FBXL13: variants seen among roughly 807,000 people sequenced by gnomAD.
FBXL13 encodes the protein F-box and leucine-rich repeat protein 13.
FBXL13 carries 67 observed loss-of-function variants against 83.6 expected under a neutral mutation model. The observed-to-expected ratio is 0.80, with a 90% confidence interval of 0.66 to 0.98. The LOEUF (loss-of-function observed/expected upper bound fraction) is 0.98. Ranked by LOEUF, FBXL13 falls within the 50% of genes least tolerant of loss-of-function variation. FBXL13 has a pLI of 0.00. For missense variants in FBXL13, 822 were observed against 866.5 expected, an observed-to-expected ratio of 0.95 and a Z score of 0.64; for synonymous variants, 272 against 299.5, an observed-to-expected ratio of 0.91 and a Z score of 0.95.
At chr7:103,061,665 C>T (rs948749533) in intron 1 of FBXL13, among the ~76,000 whole-genome samples, 1 of 151,912 alleles carries the variant, frequency 6.6e-6, no homozygotes, top group African/African-American at 2.4e-5. Context: ...CCTGGCCCAG[C>T]ACGGTGGCTC....
intron 6 of FBXL13, among the ~76,000 whole-genome samples, chr7:103,004,969 T>C (rs770582510): frequency 7.9e-5 from 12 of 152,230 alleles, no homozygotes; most frequent in Non-Finnish European, 1.6e-4. Flanking sequence ...ATATTTTACA[T>C]ATGCCTGTAA....
intron 6 of FBXL13, 25 bp from the exon 8 acceptor site, chr7:102,968,142 C>G: frequency 6.5e-7 from 1 of 1,530,588 alleles, no homozygotes; most frequent in Non-Finnish European, 9.0e-7. Flanking sequence ...AAATACACAA[C>G]TTTGAAAAAT....
intron 16 of FBXL13, among the ~76,000 whole-genome samples, chr7:102,872,560 T>C (rs1374810751): frequency 1.3e-5 from 2 of 152,202 alleles, no homozygotes; most frequent in East Asian, 3.8e-4. Context: ...ACAACAAATA[T>C]GGCGGTGACT....
intron 11 of FBXL13, among the ~76,000 whole-genome samples, chr7:102,902,642 T>C (rs1224714263): frequency 6.6e-6 from 1 of 152,182 alleles, no homozygotes; most frequent in Non-Finnish European, 1.5e-5. Flanking sequence ...TTCTTCTCCA[T>C]ATGGATATCC....
intron 11 of FBXL13, among the ~76,000 whole-genome samples, chr7:102,905,360 A>G (rs1337977449): frequency 6.6e-6 from 1 of 152,202 alleles, no homozygotes; most frequent in African/African-American, 2.4e-5. Flanking sequence ...ATCATTACAT[A>G]GTGACCTTCT....
chr7:102,818,694 G>T (rs937820623), intron 19 of FBXL13, among the ~76,000 whole-genome samples: 4 of 152,170 alleles, frequency 2.6e-5, no homozygotes, highest in African/African-American at 7.2e-5. Context: ...GGCTCTGAAG[G>T]CCACTAAGAC....
chr7:102,811,329 C>T (rs914969756), downstream of FBXL13, among the ~76,000 whole-genome samples: 3 of 152,150 alleles, frequency 2.0e-5, no homozygotes, highest in South Asian at 2.1e-4. Context: ...ATATGAAATA[C>T]GTAAGGGCTA....
chr7:102,910,077 T>C (rs1362677886), intron 11 of FBXL13, among the ~76,000 whole-genome samples: 1 of 152,168 alleles, frequency 6.6e-6, no homozygotes, highest in African/African-American at 2.4e-5. Context: ...CTGCTGGGAC[T>C]GGCAATTCCC....
chr7:103,055,190 T>C lies in FBXL13; in HGVS notation c.-1+454A>G. On this transcript the variant is annotated intron_variant, in intron 2 of 19. Transcript: ENST00000313221. ...TAATGCACATATCCCTTTAATAACATCATAAAATACAGTCAAAATTAATTT... is the reference window on the plus strand; with the variant it reads ...TAATGCACATATCCCTTTAATAACACCATAAAATACAGTCAAAATTAATTT... 2 of 1,248,844 alleles carry C rather than the reference T, an allele frequency of 1.6e-6. No homozygotes were observed. Among genetic ancestry groups the C allele is most frequent in the South Asian group, 1.3e-5 (1 of 77,542 alleles). 77.4% of individuals were successfully genotyped at this position (1,248,844 alleles called of 1,614,324 possible).
chr7:102,834,884 G>A (rs1584515040), intron 17 of FBXL13, among the ~76,000 whole-genome samples: 1 of 108,826 alleles, frequency 9.2e-6, no homozygotes, highest in Non-Finnish European at 1.8e-5. Context: ...CACAATGTGT[G>A]TGTGTGTGTG....
chr7:103,036,780 G>A (rs1795115303), intron 2 of FBXL13, among the ~76,000 whole-genome samples: 1 of 152,154 alleles, frequency 6.6e-6, no homozygotes, highest in African/African-American at 2.4e-5. Flanking sequence ...CCAAAGTGTT[G>A]GGGTTACAGG....
intron 6 of FBXL13, among the ~76,000 whole-genome samples, chr7:103,022,385 C>T (rs563132911): frequency 7.1e-4 from 108 of 151,860 alleles, no homozygotes; most frequent in Non-Finnish European, 1.2e-3. Flanking sequence ...ATGTAAATGA[C>T]GAGTTAATGC....
chr7:102,971,525 C>T (rs887637811), intron 6 of FBXL13, among the ~76,000 whole-genome samples: 6 of 138,420 alleles, frequency 4.3e-5, no homozygotes, highest in South Asian at 4.7e-4. Context: ...TGAACCCGGG[C>T]GGAGGTGGCG....
chr7:102,934,717 G>C lies in FBXL13; in HGVS notation c.725-2784C>G, dbSNP rs557836390. The C allele has an allele frequency of 4.6e-6, 7 of 1,523,000 alleles. No individual in the cohort carries two copies. The South Asian group carries it at 9.0e-5, about 19-fold the overall frequency. 94.3% of individuals were successfully genotyped at this position (1,523,000 alleles called of 1,614,324 possible). On this transcript the variant is annotated intron_variant, in intron 8 of 19. Coordinates refer to ENST00000313221, the Ensembl canonical transcript of FBXL13. ...ACTTTTCTTACTTTTTCATTTTCAT[G>C]AATAACTTGAAATGCTCTTTGAATC...
intron 1 of FBXL13, among the ~76,000 whole-genome samples, chr7:103,071,163 T>A (rs1798913520): frequency 2.8e-5 from 4 of 143,212 alleles, no homozygotes; most frequent in South Asian, 2.2e-4. Flanking sequence ...AAGAAGAAAA[T>A]GGGGAAAAAG....
At chr7:102,944,549 A>G (rs1487672443) in intron 8 of FBXL13, 3 of 1,613,570 alleles carry the variant, frequency 1.9e-6, no homozygotes, top group South Asian at 2.2e-5. Context: ...GAATGGGAAA[A>G]AAAACATAGA....
At chr7:102,996,778 A>G (rs567991178) in intron 6 of FBXL13, among the ~76,000 whole-genome samples, 1 of 152,322 alleles carries the variant, frequency 6.6e-6, no homozygotes, top group South Asian at 2.1e-4. Context: ...GAGGTGGAGT[A>G]GACATATTGC....
chr7:102,860,957 C>A (rs1806723287), intron 16 of FBXL13, among the ~76,000 whole-genome samples: 1 of 151,270 alleles, frequency 6.6e-6, no homozygotes, highest in Admixed American at 6.6e-5. Flanking sequence ...ATTTTATATA[C>A]ATATGCATAG....
chr7:102,911,513 T>C (rs958020983), intron 11 of FBXL13, among the ~76,000 whole-genome samples: 4 of 152,114 alleles, frequency 2.6e-5, no homozygotes, highest in Admixed American at 1.3e-4. Context: ...TGCTAATTGG[T>C]GCCCATCAAA....
Sources: allele counts gnomAD v4.1 joint callset (sites outside exome capture counted in the v4.1 genomes callset), GRCh38; gene constraint gnomAD v4.1.1; transcripts MANE v1.5; gene names NCBI Gene and HGNC (gene_info 2026-07-23, HGNC 2026-07-21).